Variants in ARL15 observed in about 807,000 individuals in gnomAD.
ARL15 encodes ADP-ribosylation factor-like protein 15.
Under a neutral mutation model 25.2 loss-of-function variants are expected in ARL15, and 19 were observed. The ratio of observed to expected loss-of-function variants is 0.75; its 90% CI spans 0.53 to 1.10. The LOEUF (loss-of-function observed/expected upper bound fraction) is 1.10, where lower values mean the gene tolerates loss of function less well. Among genes scored for constraint, ARL15 ranks in the 50% least tolerant of loss-of-function variants. The pLI is 0.00. For synonymous variants in ARL15, 94 were observed against 86.8 expected (o/e 1.08, Z -0.46); for missense variants, 220 against 246.0 (o/e 0.89, Z 0.71).
intron 2 of ARL15, among the ~76,000 whole-genome samples, chr5:54,159,252 T>C (rs926433106): frequency 6.6e-6 from 1 of 152,130 alleles, no homozygotes; most frequent in Non-Finnish European, 1.5e-5. Flanking sequence ...AAATAATTAA[T>C]AAAATCAGGA....
At chr5:53,946,066 G>A (rs1419588522) in intron 4 of ARL15, among the ~76,000 whole-genome samples, 1 of 152,196 alleles carries the variant, frequency 6.6e-6, no homozygotes, top group African/African-American at 2.4e-5. Context: ...CCTCATGTAT[G>A]AATGAGGGAT....
chr5:54,239,303 T>G (rs1756892873), intron 1 of ARL15, among the ~76,000 whole-genome samples: 1 of 151,846 alleles, frequency 6.6e-6, no homozygotes, highest in Non-Finnish European at 1.5e-5. Context: ...CCATCTGAAA[T>G]ATACAGTTCA....
At position 54,005,146 on chromosome 5, in the gene ARL15, C is replaced by T. The variant is rs1327564725; in HGVS notation, c.462+108056G>A. ...GGATTACAGGCATGAGCCACCACGCCCAGCCCGTGTTTGTTTTTTAAACAG... is the reference window on the plus strand; with the variant it reads ...GGATTACAGGCATGAGCCACCACGCTCAGCCCGTGTTTGTTTTTTAAACAG... On this transcript the variant is annotated intron_variant, in intron 4 of 4. Transcript: ENST00000504924. Among the ~76,000 whole-genome samples, 3 of 152,108 alleles carry T rather than the reference C, an allele frequency of 2.0e-5. No homozygotes were observed. The East Asian group carries it at 5.8e-4, about 29-fold the overall frequency.
intron 3 of ARL15, among the ~76,000 whole-genome samples, chr5:54,140,864 A>G (rs1384062310): frequency 1.3e-5 from 2 of 152,128 alleles, no homozygotes; most frequent in African/African-American, 4.8e-5. Context: ...CACAAAACAC[A>G]AACTGTCTAG....
At chr5:54,060,470 G>A (rs981466988) in intron 4 of ARL15, among the ~76,000 whole-genome samples, 19 of 152,186 alleles carry the variant, frequency 1.2e-4, no homozygotes, top group African/African-American at 4.6e-4. Context: ...AAAAAACATG[G>A]GAGTTTCCCA....
chr5:53,993,549 T>C (rs769372974), intron 4 of ARL15, among the ~76,000 whole-genome samples: 5 of 152,250 alleles, frequency 3.3e-5, no homozygotes, highest in Non-Finnish European at 4.4e-5. Context: ...TTACATTGCC[T>C]ATTTCAACTT....
chr5:54,149,919 G>A (rs1351393683), intron 3 of ARL15, among the ~76,000 whole-genome samples: 2 of 152,138 alleles, frequency 1.3e-5, no homozygotes, highest in East Asian at 1.9e-4. Context: ...AAAAGTTCAC[G>A]AAGTAATACT....
chr5:53,910,633 T>TTATATATATATATATATA lies in ARL15; in HGVS notation c.463-23938_463-23921dup, dbSNP rs70986649. On this transcript the variant is annotated intron_variant, in intron 4 of 4. Transcript: ENST00000504924. ...GAACTTAAAGTATAATAAAAAAAAATTATATATATATATATATATATATAT... is the reference window on the plus strand; with the variant it reads ...GAACTTAAAGTATAATAAAAAAAAATTATATATATATATATATATATATATATATATATATATATATAT... Among the ~76,000 whole-genome samples, 55 of 54,962 alleles carry TTATATATATATATATATA rather than the reference T, an allele frequency of 1.0e-3. 2 individuals carry two copies. Among genetic ancestry groups the TTATATATATATATATATA allele is most frequent in the South Asian group, 2.3e-3 (4 of 1,730 alleles). 36.1% of individuals were successfully genotyped at this position (54,962 alleles called of 152,430 possible).
intron 1 of ARL15, among the ~76,000 whole-genome samples, chr5:54,203,528 T>C (rs576073604): frequency 6.6e-6 from 1 of 152,340 alleles, no homozygotes; most frequent in East Asian, 1.9e-4. Flanking sequence ...CTCTTGTTTT[T>C]CTTTCCTTAT....
chr5:54,172,282 C>A (rs1489769738), intron 1 of ARL15, among the ~76,000 whole-genome samples: 2 of 152,116 alleles, frequency 1.3e-5, no homozygotes, highest in Non-Finnish European at 2.9e-5. Context: ...TTCCATAAGG[C>A]AACTGGCCTG....
intron 2 of ARL15, among the ~76,000 whole-genome samples, chr5:54,167,745 C>G (rs1411265723): frequency 6.6e-6 from 1 of 152,092 alleles, no homozygotes; most frequent in South Asian, 2.1e-4. Context: ...ACTATTTTCT[C>G]TTTTTCTGTC....
chr5:54,080,441 A>C (rs567920416), intron 4 of ARL15, among the ~76,000 whole-genome samples: 1 of 152,266 alleles, frequency 6.6e-6, no homozygotes, highest in Admixed American at 6.5e-5. Context: ...TCAGCCAGTA[A>C]ATTATTTTTT....
chr5:54,157,563 C>T (rs979279627), intron 2 of ARL15, among the ~76,000 whole-genome samples: 1 of 152,102 alleles, frequency 6.6e-6, no homozygotes, highest in Non-Finnish European at 1.5e-5. Context: ...AGGCACCCAC[C>T]ACCACGCCCA....
At chr5:54,143,623 TTTTA>T (rs1015340963) in intron 3 of ARL15, among the ~76,000 whole-genome samples, 4 of 152,122 alleles carry the variant, frequency 2.6e-5, no homozygotes, top group Non-Finnish European at 4.4e-5. Flanking sequence ...TTTTTGATTG[TTTTA>T]TTTCTTTCTT....
chr5:53,972,466 A>G (rs1054563439), intron 4 of ARL15, among the ~76,000 whole-genome samples: 1 of 152,134 alleles, frequency 6.6e-6, no homozygotes, highest in Non-Finnish European at 1.5e-5. Flanking sequence ...TAACCTTATT[A>G]CCTTGAACAA....
intron 4 of ARL15, among the ~76,000 whole-genome samples, chr5:54,005,593 G>T (rs2111748340): frequency 6.6e-6 from 1 of 152,162 alleles, no homozygotes; most frequent in Middle Eastern, 3.4e-3. Context: ...GCCGGGCGCG[G>T]TAGCTCACGC....
intron 4 of ARL15, among the ~76,000 whole-genome samples, chr5:53,935,228 C>T (rs1251020739): frequency 6.6e-6 from 1 of 152,170 alleles, no homozygotes; most frequent in Non-Finnish European, 1.5e-5. Context: ...CATAGCCTAA[C>T]ACTTTTTCTT....
chr5:53,907,811 TTCTTAC>T (rs1745320901), intron 4 of ARL15, among the ~76,000 whole-genome samples: 1 of 152,016 alleles, frequency 6.6e-6, no homozygotes, highest in Non-Finnish European at 1.5e-5. Flanking sequence ...CCTTAATATA[TTCTTAC>T]TCTCTGTGTG....
chr5:54,131,603 G>A (rs1457987376), intron 3 of ARL15, among the ~76,000 whole-genome samples: 1 of 152,098 alleles, frequency 6.6e-6, no homozygotes, highest in East Asian at 1.9e-4. Context: ...TGTTACTTAT[G>A]TAAAATGTTT....
Sources: allele counts gnomAD v4.1 joint callset (sites outside exome capture counted in the v4.1 genomes callset), GRCh38; gene constraint gnomAD v4.1.1; transcripts MANE v1.5; gene names NCBI Gene and HGNC (gene_info 2026-07-23, HGNC 2026-07-21).